The following STARD9 variants were observed in gnomAD, a reference collection of about 807,000 sequenced individuals.
STARD9 encodes StAR related lipid transfer domain containing 9, also known as stAR-related lipid transfer protein 9.
STARD9 carries 346 observed loss-of-function variants against 399.8 expected under a neutral mutation model. The ratio of observed to expected loss-of-function variants is 0.87; its 90% CI spans 0.79 to 0.95. The LOEUF (loss-of-function observed/expected upper bound fraction) is 0.95. STARD9 is among the 40% of genes least tolerant of loss of function. STARD9 has a pLI of 0.00. For missense variants in STARD9, 5,832 were observed against 5,667.5 expected, an observed-to-expected ratio of 1.03 and a Z score of -0.93; for synonymous variants, 2,203 against 2,143.5, an observed-to-expected ratio of 1.03 and a Z score of -0.77.
At chr15:42,673,967 A>G (rs188107375) in intron 16 of STARD9, 3 of 456,608 alleles carry the variant, frequency 6.6e-6, no homozygotes, top group Admixed American at 4.7e-5. Context: ...CAAGAAGGTA[A>G]AAATCCTGTG....
intron 29 of STARD9, 57 bp downstream of exon 29, chr15:42,717,852 C>CT (rs2061378227): frequency 6.6e-7 from 1 of 1,513,566 alleles, no homozygotes; most frequent in African/African-American, 1.4e-5. Context: ...TGTCACCCTG[C>CT]TTGGCTTCTC....
At position 42,719,876 on chromosome 15, in the gene STARD9, G is replaced by A. The variant is rs984934638; in HGVS notation, c.*302G>A. 1.4e-5 allele frequency: 4 copies of A among 285,526 alleles called. No individual in the cohort carries two copies. Among genetic ancestry groups the A allele is most frequent in the East Asian group, 7.8e-5 (1 of 12,780 alleles). The allele number at this position is 285,526 out of a possible 1,614,324, so 17.7% of individuals were successfully genotyped here. A position where few individuals can be genotyped will look rare whatever the true frequency, so the allele number is the denominator to read the frequency against. ...TTCTTTCCTGTTTCTGGGACTCTGC[G>A]GCAGACAGGACACTTAAGGACCAGG... is the stretch of plus-strand genomic sequence containing the variant. On this transcript the variant is annotated 3_prime_UTR_variant, in exon 33 of 33. Coordinates refer to ENST00000290607, the MANE Select transcript of STARD9 (RefSeq NM_020759.3).
intron 2 of STARD9, 100 bp from the exon 3 acceptor site, chr15:42,585,421 A>G: frequency 1.5e-6 from 1 of 656,196 alleles, no homozygotes; most frequent in South Asian, 1.9e-5. Flanking sequence ...TCTCATGACC[A>G]GTCCAAGTCT....
chr15:42,576,479 G>C (rs2058058865), intron 1 of STARD9, among the ~76,000 whole-genome samples: 1 of 152,192 alleles, frequency 6.6e-6, no homozygotes, highest in African/African-American at 2.4e-5. Context: ...TTGTTGACAG[G>C]TGGAGAGAGT....
chr15:42,699,342 G>C (rs933035764), intron 26 of STARD9, among the ~76,000 whole-genome samples: 1 of 149,882 alleles, frequency 6.7e-6, no homozygotes, highest in Non-Finnish European at 1.5e-5. Flanking sequence ...CCCAGCCTCT[G>C]GTAACCACTA....
rs1357035221 is a variant in STARD9, at chr15:42,718,880, G to A, written c.13971G>A (p.Lys4657=). 3.9e-6 allele frequency: 6 copies of A among 1,537,260 alleles called. No individual in the cohort carries two copies. The highest frequency in any genetic ancestry group is 5.2e-6 in the Non-Finnish European group (6 of 1,146,894). The change falls in exon 32 of 33, where the codon AAG becomes AAA. Residue 4657 remains lysine, a synonymous_variant. Coordinates refer to ENST00000290607, the MANE Select transcript of STARD9 (RefSeq NM_020759.3). The part of the protein sequence containing the change: ...WILQPITVEG[K]EVTRVIYLAQ... ...TGCAGCCCATCACTGTGGAAGGGAA[G>A]GAAGTCACCAGAGTCATCTACTTGG...
chr15:42,624,769 G>A (rs934032048), intron 3 of STARD9, among the ~76,000 whole-genome samples: 29 of 151,918 alleles, frequency 1.9e-4, no homozygotes, highest in African/African-American at 6.3e-4. Context: ...GACTGGTCTC[G>A]AACTCCTGAC....
rs767843713 is a variant in STARD9, at chr15:42,692,149, C to T, written c.10571C>T (p.Pro3524Leu). The change falls in exon 23 of 33, where the codon CCT (proline) becomes CTT (leucine). Residue 3524 changes from proline (P) to leucine (L), a missense_variant. Transcript: ENST00000290607. ...AATGGCCTAGAAGACCAGAACTCCC[C>T]TTTCCACTCCCACCTCAGCACTTAC... ...MDNGLEDQNS[P>L]FHSHLSTYAN... 1 of 1,537,172 alleles carries T rather than the reference C, an allele frequency of 6.5e-7. No individual in the cohort carries two copies.
intron 3 of STARD9, among the ~76,000 whole-genome samples, chr15:42,590,886 C>T (rs1462689128): frequency 6.6e-6 from 1 of 152,060 alleles, no homozygotes; most frequent in African/African-American, 2.4e-5. Context: ...GGGATCTGTC[C>T]CCATGACCCA....
rs1053485241 is a variant in STARD9, at chr15:42,674,469, C to G, written c.1527C>G (p.Asp509Glu). The G allele has an allele frequency of 7.8e-6, 12 of 1,537,144 alleles. No individual in the cohort carries two copies. The highest frequency in any genetic ancestry group is 2.0e-5 in the Admixed American group (1 of 51,002). ...GGACAACAAAAATAGGAAGGATTGA[C>G]TCAGACCAGGAACAGGACATTGGTA... ...KEGTTKIGRI[D>E]SDQEQDIVLQ... is the part of the protein sequence containing the mutation. The change falls in exon 17 of 33, where the codon GAC becomes GAG. Residue 509 changes from aspartate to glutamate, a missense_variant. Physicochemically the swap from Asp to Glu is conservative, Grantham distance 45. Around this residue, in one of 2 missense-constraint regions of STARD9, gnomAD observed 5,828 missense variants for 5,651.1 expected, o/e 1.03. Transcript: ENST00000290607.
Position 42,687,175 on chromosome 15 carries a change from G to T in STARD9, c.5597G>T (p.Cys1866Phe). 6.5e-7 allele frequency: 1 copy of T among 1,537,382 alleles called. No homozygotes were observed. The highest frequency in any genetic ancestry group is 2.0e-5 in the Admixed American group (1 of 51,004). The change falls in exon 23 of 33, where the codon TGT becomes TTT. Residue 1866 changes from cysteine to phenylalanine, a missense_variant. Transcript: ENST00000290607. ...HFLPSTSTKV[C>F]EFENQVVILN... ...CTCCCCTCTACCAGCACAAAAGTAT[G>T]TGAATTTGAAAACCAAGTTGTAATT...
intron 9 of STARD9, among the ~76,000 whole-genome samples, chr15:42,658,412 G>A (rs1269506145): frequency 6.6e-6 from 1 of 151,168 alleles, no homozygotes; most frequent in South Asian, 2.1e-4. Flanking sequence ...CTAGGCTCAA[G>A]TGATCCTCCT....
rs754884010 is a variant in STARD9, at chr15:42,674,920, C to T, written c.1643C>T (p.Thr548Ile). 2.6e-6 allele frequency: 4 copies of T among 1,536,852 alleles called. No individual in the cohort carries two copies. The highest frequency in any genetic ancestry group is 1.2e-5 in the South Asian group (1 of 84,002). ...VLRPARGARC[T>I]VNGREVTASC... is the part of the protein sequence containing the mutation. ...CGACCTGCCCGTGGGGCCCGCTGTA[C>T]AGTCAATGGCCGGGAGGTCACTGCC... is the stretch of plus-strand genomic sequence containing the variant. The change falls in exon 18 of 33, where the codon ACA becomes ATA. Residue 548 changes from threonine to isoleucine, a missense_variant. Physicochemically the swap from Thr to Ile is moderately conservative, Grantham distance 89. Coordinates refer to ENST00000290607, the MANE Select transcript of STARD9 (RefSeq NM_020759.3).
chr15:42,646,326 A>G (rs2059644726), intron 7 of STARD9, among the ~76,000 whole-genome samples: 4 of 152,144 alleles, frequency 2.6e-5, no homozygotes, highest in South Asian at 2.1e-4. Context: ...CCTTTTTCCA[A>G]TGGAAGCCTG....
At chr15:42,700,737 C>CT (rs1470673489) in intron 26 of STARD9, among the ~76,000 whole-genome samples, 4 of 152,080 alleles carry the variant, frequency 2.6e-5, no homozygotes, top group Non-Finnish European at 2.9e-5. Flanking sequence ...TCTCTTCACT[C>CT]TTTTTTCCTT....
chr15:42,616,462 A>G (rs1321447897), intron 3 of STARD9, among the ~76,000 whole-genome samples: 3 of 152,270 alleles, frequency 2.0e-5, no homozygotes, highest in Non-Finnish European at 4.4e-5. Flanking sequence ...AGTGTTCAAC[A>G]GATAAGATTT....
intron 26 of STARD9, among the ~76,000 whole-genome samples, chr15:42,697,327 C>T (rs2060866045): frequency 6.6e-6 from 1 of 152,120 alleles, no homozygotes; most frequent in South Asian, 2.1e-4. Context: ...TCTCAAACTC[C>T]TGGGCTCAAG....
chr15:42,675,844 C>T, intron 19 of STARD9, 28 bp from the exon 20 acceptor site: 1 of 1,536,184 alleles, frequency 6.5e-7, no homozygotes, highest in Non-Finnish European at 8.7e-7. Flanking sequence ...ATGACAGCAG[C>T]CTCACTGTGC....
chr15:42,657,728 A>G (rs2059904206), intron 9 of STARD9, among the ~76,000 whole-genome samples: 1 of 152,240 alleles, frequency 6.6e-6, no homozygotes, highest in South Asian at 2.1e-4. Flanking sequence ...GATAAACCCT[A>G]TGCTTCCTGA....
Sources: allele counts gnomAD v4.1 joint callset (sites outside exome capture counted in the v4.1 genomes callset), GRCh38; gene constraint gnomAD v4.1.1; regional missense constraint gnomAD v4.1.1; transcripts MANE v1.5; gene names NCBI Gene and HGNC (gene_info 2026-07-23, HGNC 2026-07-21).